Variants in GRIK4 observed in about 807,000 individuals in gnomAD.
GRIK4 encodes the protein glutamate ionotropic receptor kainate type subunit 4.
GRIK4 carries 40 observed loss-of-function variants against 104.9 expected under a neutral mutation model. The ratio of observed to expected loss-of-function variants is 0.38; its 90% CI spans 0.30 to 0.50. The LOEUF (loss-of-function observed/expected upper bound fraction) is 0.50. Ranked by LOEUF, GRIK4 falls within the 20% of genes least tolerant of loss-of-function variation. The pLI, the probability that GRIK4 is intolerant of heterozygous loss-of-function variation, is 0.93. For synonymous variants in GRIK4, 485 were observed against 524.9 expected, an observed-to-expected ratio of 0.92 and a Z score of 1.04; for missense variants, 1,047 against 1,308.1, an observed-to-expected ratio of 0.80 and a Z score of 3.08.
intron 1 of GRIK4, among the ~76,000 whole-genome samples, chr11:120,598,560 A>G (rs1181129557): frequency 6.6e-6 from 1 of 152,204 alleles, no homozygotes; most frequent in East Asian, 1.9e-4. Flanking sequence ...GCTCAAGACA[A>G]TGAACTTGAC....
intron 8 of GRIK4, among the ~76,000 whole-genome samples, chr11:120,842,815 A>T (rs951934181): frequency 6.6e-6 from 1 of 152,256 alleles, no homozygotes; most frequent in Non-Finnish European, 1.5e-5. Context: ...AATAAAAGAC[A>T]TAAAGAATTA....
chr11:120,752,939 G>T (rs912681025), intron 3 of GRIK4, among the ~76,000 whole-genome samples: 1 of 152,242 alleles, frequency 6.6e-6, no homozygotes, highest in Non-Finnish European at 1.5e-5. Context: ...ACAGCCGTGG[G>T]CCTAGGCCGG....
intron 20 of GRIK4, among the ~76,000 whole-genome samples, chr11:120,984,001 G>C (rs541197796): frequency 5.3e-5 from 8 of 152,122 alleles, no homozygotes; most frequent in Admixed American, 2.6e-4. Context: ...GTTAACAATT[G>C]GGGGGTGTGA....
At chr11:120,739,767 A>C (rs754721440) in intron 3 of GRIK4, among the ~76,000 whole-genome samples, 4 of 152,216 alleles carry the variant, frequency 2.6e-5, no homozygotes, top group Non-Finnish European at 5.9e-5. Context: ...GACGATGCTC[A>C]GTGTCAGTAT....
intron 3 of GRIK4, among the ~76,000 whole-genome samples, chr11:120,719,190 T>C (rs962595988): frequency 2.0e-5 from 3 of 152,212 alleles, no homozygotes; most frequent in African/African-American, 7.2e-5. Context: ...CCATCAATAA[T>C]TTCATAGCAT....
rs755885574 is a variant in GRIK4 at position 120,952,968 on chromosome 11, C to G, written c.1700+4C>G. 1 of 1,580,082 alleles carries G rather than the reference C, an allele frequency of 6.3e-7. No individual in the cohort carries two copies. Among genetic ancestry groups the G allele is most frequent in the Non-Finnish European group, 8.7e-7 (1 of 1,149,394 alleles). ...GTGTCCTCTTCCTGGTGGCTCGGTACTCTCCTCTTCCCTTCCCTGTCCTTA... is the reference window on the plus strand; with the variant it reads ...GTGTCCTCTTCCTGGTGGCTCGGTAGTCTCCTCTTCCCTTCCCTGTCCTTA... On this transcript the variant is annotated splice_donor_region_variant and intron_variant, in intron 15 of 20. Coordinates refer to ENST00000527524, the MANE Select transcript of GRIK4 (RefSeq NM_014619.5). The surrounding 1 kb of genome is among the most constrained non-coding windows in gnomAD (Gnocchi z 5.2).
intron 1 of GRIK4, among the ~76,000 whole-genome samples, chr11:120,615,431 G>C (rs1949098609): frequency 6.6e-6 from 1 of 152,202 alleles, no homozygotes; most frequent in African/African-American, 2.4e-5. Context: ...TGGATTGAAG[G>C]GTACCTGGGC....
chr11:120,829,541 A>C (rs1240861870), intron 6 of GRIK4, among the ~76,000 whole-genome samples: 1 of 152,196 alleles, frequency 6.6e-6, no homozygotes, highest in East Asian at 1.9e-4. Context: ...CCTGGCACTC[A>C]GGACATGCCA....
intron 1 of GRIK4, among the ~76,000 whole-genome samples, chr11:120,602,024 C>G (rs1241522684): frequency 6.6e-6 from 1 of 152,046 alleles, no homozygotes; most frequent in Non-Finnish European, 1.5e-5. Flanking sequence ...GCCATTGATC[C>G]TCTCTCTTTG....
intron 7 of GRIK4, among the ~76,000 whole-genome samples, chr11:120,832,976 C>T (rs750708912): frequency 1.1e-4 from 16 of 152,142 alleles, no homozygotes; most frequent in Non-Finnish European, 2.2e-4. Context: ...TTTAATTGCA[C>T]GTTTAAGCAC....
chr11:120,824,415 A>G (rs1011182251), intron 6 of GRIK4, among the ~76,000 whole-genome samples: 4 of 152,090 alleles, frequency 2.6e-5, no homozygotes, highest in African/African-American at 9.7e-5. Context: ...TGTTGGTCAG[A>G]TCACCCAGCC....
At chr11:120,787,269 C>T (rs73578569) in intron 3 of GRIK4, among the ~76,000 whole-genome samples, 37,143 of 151,580 alleles carry the variant, frequency 0.25, 5,173 homozygotes, top group African/African-American at 0.38. Context: ...GCCAAGGCTG[C>T]GGTGAGCCAA....
At chr11:120,941,158 G>T in intron 14 of GRIK4, among the ~76,000 whole-genome samples, 1 of 152,226 alleles carries the variant, frequency 6.6e-6, no homozygotes, top group East Asian at 1.9e-4. Context: ...AGCTGACTTT[G>T]CTAGTTTATC....
rs1947831685 is a variant in GRIK4, at chr11:120,524,141, G to T, written c.-159+12254G>T. Among the ~76,000 whole-genome samples, 1 of 152,144 alleles carries T rather than the reference G, an allele frequency of 6.6e-6. No homozygotes were observed. Among genetic ancestry groups the T allele is most frequent in the Non-Finnish European group, 1.5e-5 (1 of 68,022 alleles). ...AGGGTTTCATCATGTTAGCCAGGAT[G>T]GTCTCGATCTCCTGACCTCATGATC... On this transcript the variant is annotated intron_variant, in intron 1 of 20. Coordinates refer to ENST00000527524, the MANE Select transcript of GRIK4 (RefSeq NM_014619.5). The surrounding 1 kb of genome is among the most constrained non-coding windows in gnomAD (Gnocchi z 4.5).
At position 120,819,703 on chromosome 11, in the gene GRIK4, C is replaced by G. The variant is rs1239282727; in HGVS notation, c.346-52C>G. On this transcript the variant is annotated intron_variant, in intron 5 of 20. Coordinates refer to ENST00000527524, the MANE Select transcript of GRIK4 (RefSeq NM_014619.5). This position sits in a 1 kb window ranked among gnomAD's most constrained non-coding sequence, Gnocchi z 4.3. ...TCAGCTCACTCATCCCTCTTTCTTC[C>G]TTTTCACCCACCTGGATCCTCCCTG... The G allele has an allele frequency of 6.4e-7, 1 of 1,574,188 alleles. No individual in the cohort carries two copies. Among genetic ancestry groups the G allele is most frequent in the East Asian group, 2.2e-5 (1 of 44,548 alleles).
chr11:120,770,629 TGA>T (rs1261315789), intron 3 of GRIK4, among the ~76,000 whole-genome samples: 2 of 152,260 alleles, frequency 1.3e-5, no homozygotes, highest in African/African-American at 2.4e-5. Flanking sequence ...TTTTATGCAG[TGA>T]GAGACTTTGA....
chr11:120,684,870 C>T (rs963926539), intron 3 of GRIK4, among the ~76,000 whole-genome samples: 4 of 152,162 alleles, frequency 2.6e-5, no homozygotes, highest in Non-Finnish European at 5.9e-5. Context: ...CCACCGCGCC[C>T]GGCTAATTTT....
intron 1 of GRIK4, among the ~76,000 whole-genome samples, chr11:120,592,925 G>C (rs748715495): frequency 1.2e-4 from 18 of 152,174 alleles, no homozygotes; most frequent in Non-Finnish European, 1.9e-4. Flanking sequence ...GTTCACACCT[G>C]TAATCCCAGC....
intron 3 of GRIK4, among the ~76,000 whole-genome samples, chr11:120,683,047 A>G (rs1263984896): frequency 1.3e-5 from 2 of 151,924 alleles, no homozygotes; most frequent in Non-Finnish European, 2.9e-5. Flanking sequence ...CCTCAGAGAT[A>G]CCTTCATTGT....
Sources: gnomAD v4.1 joint callset for allele counts (sites outside exome capture counted in the v4.1 genomes callset) on GRCh38, gnomAD v4.1.1 for gene constraint, Gnocchi (gnomAD v3.1) non-coding constraint, MANE v1.5 for transcripts, NCBI Gene and HGNC (gene_info 2026-07-23, HGNC 2026-07-21) for gene names.